The following ANKH variants were observed in gnomAD, a reference collection of about 807,000 sequenced individuals.
The protein encoded by ANKH is mineralization regulator ANKH.
In ANKH, 15 loss-of-function variants were observed where a neutral mutation model predicts 49.0. The ratio of observed to expected loss-of-function variants is 0.31; its 90% confidence interval spans 0.20 to 0.47. ANKH has a LOEUF of 0.47. ANKH is among the 20% of genes least tolerant of loss of function. The pLI is 1.00. For missense variants in ANKH, 429 were observed against 652.0 expected (o/e 0.66, Z 3.72); for synonymous variants, 273 against 260.0 (o/e 1.05, Z -0.48).
At chr5:14,824,464 G>A (rs776040901) in intron 1 of ANKH, among the ~76,000 whole-genome samples, 1 of 152,088 alleles carries the variant, frequency 6.6e-6, no homozygotes, top group Non-Finnish European at 1.5e-5. Flanking sequence ...TCATGGTCAC[G>A]AATTCTAAAA....
At chr5:14,869,906 G>A (rs868061495) in intron 1 of ANKH, 1 of 152,184 alleles carries the variant, frequency 6.6e-6, no homozygotes, top group Admixed American at 6.5e-5. Flanking sequence ...AAAGGCTCGA[G>A]TGAATATACA....
intron 1 of ANKH, among the ~76,000 whole-genome samples, chr5:14,809,335 TAA>T (rs36119317): frequency 0.015 from 1,177 of 80,822 alleles, 6 homozygotes; most frequent in Non-Finnish European, 0.02. Flanking sequence ...TAGAGTATAA[TAA>T]AAAAAAAAAA....
chr5:14,745,903 C>A lies in ANKH; in HGVS notation c.882G>T (p.Thr294=). The A allele has an allele frequency of 6.2e-7, 1 of 1,614,178 alleles. No homozygotes were observed. The highest frequency in any genetic ancestry group is 8.5e-7 in the Non-Finnish European group (1 of 1,180,032). ...AAGCAGGATACACAGCACGGATTTC[C>A]GTCAACCAGCCGTATGGCATGTGAC... ...PVGHMPYGWL[T]EIRAVYPAFD... The change falls in exon 7 of 12, where the codon ACG becomes ACT. Residue 294 remains threonine (T), a synonymous_variant. Transcript: ENST00000284268. The surrounding 1 kb of genome is among the most constrained non-coding windows in gnomAD (Gnocchi z 4.7).
At chr5:14,777,506 A>G (rs1665307380) in intron 1 of ANKH, among the ~76,000 whole-genome samples, 1 of 152,208 alleles carries the variant, frequency 6.6e-6, no homozygotes, top group Non-Finnish European at 1.5e-5. Context: ...ACATGAACTG[A>G]TCTCCCTGGT....
At chr5:14,813,345 C>T (rs189789540) in intron 1 of ANKH, among the ~76,000 whole-genome samples, 2 of 152,030 alleles carry the variant, frequency 1.3e-5, no homozygotes, top group African/African-American at 4.8e-5. Flanking sequence ...AAGACAGGCC[C>T]ATAGATACTC....
At chr5:14,827,910 A>G (rs1741389904) in intron 1 of ANKH, among the ~76,000 whole-genome samples, 2 of 152,204 alleles carry the variant, frequency 1.3e-5, no homozygotes, top group Non-Finnish European at 2.9e-5. Flanking sequence ...AGTTTGCAAC[A>G]TTCCCAGGTA....
At chr5:14,842,976 G>A (rs1210206014) in intron 1 of ANKH, among the ~76,000 whole-genome samples, 1 of 152,156 alleles carries the variant, frequency 6.6e-6, no homozygotes, top group Admixed American at 6.5e-5. Flanking sequence ...TCCCACTGTG[G>A]TTCTGCTGTT....
intron 1 of ANKH, among the ~76,000 whole-genome samples, chr5:14,862,481 G>A (rs1735525932): frequency 1.3e-5 from 2 of 152,132 alleles, no homozygotes; most frequent in Admixed American, 6.5e-5. Flanking sequence ...GGGCTGATAC[G>A]GCTTGATATG....
intron 1 of ANKH, among the ~76,000 whole-genome samples, chr5:14,845,346 G>GTA (rs1403973700): frequency 0.037 from 956 of 25,960 alleles, 10 homozygotes; most frequent in African/African-American, 0.072. Flanking sequence ...CTAGTTTCAT[G>GTA]TGTATATATA....
chr5:14,749,032 T>C, intron 6 of ANKH, 140 bp downstream of exon 6: 1 of 1,247,428 alleles, frequency 8.0e-7, no homozygotes, highest in Non-Finnish European at 1.1e-6. Context: ...ACGAGATCTT[T>C]ATGGCTTCCT....
chr5:14,735,566 C>T (rs1174602135), intron 8 of ANKH, among the ~76,000 whole-genome samples: 1 of 152,158 alleles, frequency 6.6e-6, no homozygotes, highest in Non-Finnish European at 1.5e-5. Context: ...AAAATTACTG[C>T]CCCACAGTTC....
intron 2 of ANKH, among the ~76,000 whole-genome samples, chr5:14,766,852 T>C (rs1047182062): frequency 3.3e-5 from 5 of 152,236 alleles, no homozygotes; most frequent in African/African-American, 1.2e-4. Flanking sequence ...GGAAGACTGC[T>C]TGAAATCATA....
At chr5:14,862,740 G>A (rs1260117066) in intron 1 of ANKH, among the ~76,000 whole-genome samples, 3 of 152,216 alleles carry the variant, frequency 2.0e-5, no homozygotes, top group Non-Finnish European at 4.4e-5. Context: ...TTGCAAAGGT[G>A]TTTCACGTAT....
chr5:14,824,985 A>C (rs1741298600), intron 1 of ANKH, among the ~76,000 whole-genome samples: 1 of 152,268 alleles, frequency 6.6e-6, no homozygotes, highest in Middle Eastern at 3.2e-3. Context: ...TGTTAGCAAC[A>C]GACAGACGGA....
In ANKH at chr5:14,793,037, A is replaced by AATATAT. The variant is rs1267380844; in HGVS notation, c.97-23852_97-23847dup. On this transcript the variant is annotated intron_variant, in intron 1 of 11. Transcript: ENST00000284268. ...ATATATATAAATATATATATATAAA[A>AATATAT]ATATATATATAAATATATATAAAAT... Among the ~76,000 whole-genome samples the AATATAT allele has an allele frequency of 4.4e-4, 25 of 56,204 alleles. 1 individual carries two copies. The East Asian group carries it at 9.7e-3, about 22-fold the overall frequency. 36.9% of individuals were successfully genotyped at this position (56,204 alleles called of 152,430 possible). A position where few individuals can be genotyped will look rare whatever the true frequency, so the allele number is the denominator to read the frequency against.
At chr5:14,826,079 C>T (rs1327575286) in intron 1 of ANKH, 2 of 154,186 alleles carry the variant, frequency 1.3e-5, no homozygotes, top group Non-Finnish European at 2.9e-5. Context: ...ACCTCTTTTC[C>T]AGACTAACGC....
At chr5:14,775,925 G>A (rs2126522177) in intron 1 of ANKH, among the ~76,000 whole-genome samples, 1 of 152,344 alleles carries the variant, frequency 6.6e-6, no homozygotes, top group African/African-American at 2.4e-5. Context: ...CAAGGGCCCT[G>A]TGGTAACCCA....
chr5:14,746,324 T>G (rs1165017021), intron 6 of ANKH, among the ~76,000 whole-genome samples: 3 of 151,506 alleles, frequency 2.0e-5, no homozygotes, highest in Non-Finnish European at 4.4e-5. Context: ...TTTCTTTTAA[T>G]TTTTGAGGGA....
At chr5:14,802,467 T>C (rs1303905183) in intron 1 of ANKH, among the ~76,000 whole-genome samples, 7 of 152,154 alleles carry the variant, frequency 4.6e-5, no homozygotes, top group Non-Finnish European at 1.0e-4. Flanking sequence ...CTTGACCTTA[T>C]CGTTGTCCCC....
Sources: gnomAD v4.1 joint callset for allele counts (sites outside exome capture counted in the v4.1 genomes callset) on GRCh38, gnomAD v4.1.1 for gene constraint, Gnocchi (gnomAD v3.1) non-coding constraint, MANE v1.5 for transcripts, NCBI Gene and HGNC (gene_info 2026-07-23, HGNC 2026-07-21) for gene names.